EDNRB: variants seen among roughly 807,000 people sequenced by gnomAD.
EDNRB encodes the protein Hirschsprung disease 2.
EDNRB carries 18 observed loss-of-function variants against 46.4 expected under a neutral mutation model. That is an observed-to-expected ratio of 0.39 (90% CI 0.27 to 0.57). EDNRB has a LOEUF of 0.57. EDNRB is among the 20% of genes least tolerant of loss of function. The pLI, the probability that EDNRB is intolerant of heterozygous loss-of-function variation, is 0.61. For synonymous variants in EDNRB, 213 were observed against 204.9 expected (o/e 1.04, Z -0.34); for missense variants, 434 against 537.5 (o/e 0.81, Z 1.90).
intron 1 of EDNRB, among the ~76,000 whole-genome samples, chr13:77,968,909 A>C (rs1881651073): frequency 6.6e-6 from 1 of 152,202 alleles, no homozygotes; most frequent in East Asian, 1.9e-4. Flanking sequence ...GAAGTTGGAC[A>C]AATATTCAGG....
Position 77,918,030 on chromosome 13 carries a change from C to T in EDNRB, c.483+61G>A. 1 of 1,612,152 alleles carries T rather than the reference C, an allele frequency of 6.2e-7. No individual in the cohort carries two copies. The highest frequency in any genetic ancestry group is 8.5e-7 in the Non-Finnish European group (1 of 1,179,852). On this transcript the variant is annotated intron_variant, in intron 1 of 6. Transcript: ENST00000646607. This position sits in a 1 kb window ranked among gnomAD's most constrained non-coding sequence, Gnocchi z 4.5. ...GCTCCCTCTACAAGCTTTCTCATCTCCCCGTCTCCAACCAGGCCCCCTTCC... is the reference window on the plus strand; with the variant it reads ...GCTCCCTCTACAAGCTTTCTCATCTTCCCGTCTCCAACCAGGCCCCCTTCC...
At chr13:77,911,049 T>C (rs777625256) in intron 1 of EDNRB, among the ~76,000 whole-genome samples, 5 of 152,082 alleles carry the variant, frequency 3.3e-5, no homozygotes, top group African/African-American at 1.2e-4. Context: ...TTTTATTATC[T>C]AAATTTAAAA....
chr13:77,931,741 T>C (rs547874740), intron 1 of EDNRB, among the ~76,000 whole-genome samples: 80 of 70,722 alleles, frequency 1.1e-3, no homozygotes, highest in African/African-American at 4.7e-3. Context: ...AATACTGTAG[T>C]AGCAAAAAAA....
At chr13:77,948,521 CT>C (rs1880996605) in intron 1 of EDNRB, among the ~76,000 whole-genome samples, 1 of 152,120 alleles carries the variant, frequency 6.6e-6, no homozygotes, top group South Asian at 2.1e-4. Flanking sequence ...TACTAGTGGT[CT>C]TTAAGAGGCT....
chr13:77,944,217 A>G (rs12720146), intron 1 of EDNRB, among the ~76,000 whole-genome samples: 5,305 of 152,226 alleles, frequency 0.035, 160 homozygotes, highest in East Asian at 0.087. Flanking sequence ...GGCTCAGTGT[A>G]AGCAATAATG....
At chr13:77,973,867 C>T (rs1380117356) in intron 1 of EDNRB, among the ~76,000 whole-genome samples, 1 of 151,698 alleles carries the variant, frequency 6.6e-6, no homozygotes, top group Non-Finnish European at 1.5e-5. Flanking sequence ...AAACAACCAG[C>T]TAATTTATTT....
intron 1 of EDNRB, among the ~76,000 whole-genome samples, chr13:77,974,275 G>C (rs1881820380): frequency 1.3e-5 from 2 of 151,998 alleles, no homozygotes; most frequent in South Asian, 4.2e-4. Context: ...AACTAGTGAG[G>C]TGTGCTCACA....
At chr13:77,965,711 G>A (rs1340946316) in intron 1 of EDNRB, among the ~76,000 whole-genome samples, 1 of 152,090 alleles carries the variant, frequency 6.6e-6, no homozygotes, top group African/African-American at 2.4e-5. Flanking sequence ...GATTCCATGT[G>A]TTGAAAATAC....
At chr13:77,906,798 G>A (rs924554069) in intron 1 of EDNRB, among the ~76,000 whole-genome samples, 1 of 151,938 alleles carries the variant, frequency 6.6e-6, no homozygotes, top group Admixed American at 6.6e-5. Context: ...GACACAATGT[G>A]ATTTAAAAAA....
At chr13:77,958,519 C>T (rs897163100) in intron 1 of EDNRB, among the ~76,000 whole-genome samples, 1 of 151,998 alleles carries the variant, frequency 6.6e-6, no homozygotes, top group Non-Finnish European at 1.5e-5. Context: ...ACTATGGGCA[C>T]CCACCACCAC....
At chr13:77,948,061 T>C (rs1197928651) in intron 1 of EDNRB, among the ~76,000 whole-genome samples, 1 of 152,186 alleles carries the variant, frequency 6.6e-6, no homozygotes, top group Non-Finnish European at 1.5e-5. Flanking sequence ...CTTAATTAGA[T>C]TACTTAATGG....
chr13:77,915,016 A>G (rs1398209848), intron 1 of EDNRB, among the ~76,000 whole-genome samples: 1 of 152,136 alleles, frequency 6.6e-6, no homozygotes, highest in Non-Finnish European at 1.5e-5. Context: ...GAATTATAAA[A>G]CCCCACCAAA....
At chr13:77,957,225 T>A (rs1417943512) in intron 1 of EDNRB, among the ~76,000 whole-genome samples, 1 of 152,240 alleles carries the variant, frequency 6.6e-6, no homozygotes, top group Non-Finnish European at 1.5e-5. Flanking sequence ...AACTCCATTT[T>A]AAGTATTATC....
At chr13:77,931,744 C>CAAAAAAAAAAAAAAAAAAAAAAAAAA (rs67176737) in intron 1 of EDNRB, among the ~76,000 whole-genome samples, 2 of 83,442 alleles carry the variant, frequency 2.4e-5, no homozygotes, top group African/African-American at 4.7e-5. Context: ...ACTGTAGTAG[C>CAAAAAAAAAAAAAAAAAAAAAAAAAA]AAAAAAAAAA....
intron 1 of EDNRB, among the ~76,000 whole-genome samples, chr13:77,974,407 A>G (rs1006246344): frequency 2.6e-5 from 4 of 152,178 alleles, no homozygotes; most frequent in African/African-American, 9.7e-5. Context: ...GATTTTTGAT[A>G]GGAAGGCCTC....
intron 1 of EDNRB, among the ~76,000 whole-genome samples, chr13:77,965,361 T>G (rs908856072): frequency 5.3e-5 from 8 of 152,196 alleles, no homozygotes; most frequent in Non-Finnish European, 8.8e-5. Flanking sequence ...TTCATTTGAA[T>G]CAATTATTAC....
At position 77,903,380 on chromosome 13, in the gene EDNRB, T is replaced by C; in HGVS notation, c.597-20A>G. 2 of 1,612,818 alleles carry C rather than the reference T, an allele frequency of 1.2e-6. 1 individual carries two copies. Among genetic ancestry groups the C allele is most frequent in the South Asian group, 2.2e-5 (2 of 91,056 alleles). ...CGATATCTGAAGATAAAAATAGAAT[T>C]GTATTTTAAGCTGGCATACCTTAGT... On this transcript the variant is annotated intron_variant, in intron 2 of 6. Coordinates refer to ENST00000646607, the MANE Select transcript of EDNRB (RefSeq NM_001122659.3).
At chr13:77,909,988 A>G (rs1879493060) in intron 1 of EDNRB, among the ~76,000 whole-genome samples, 1 of 151,940 alleles carries the variant, frequency 6.6e-6, no homozygotes, top group Admixed American at 6.6e-5. Context: ...GGTAACGACA[A>G]AAATTCCTCT....
intron 1 of EDNRB, among the ~76,000 whole-genome samples, chr13:77,954,761 C>A (rs1032586973): frequency 2.0e-5 from 3 of 152,120 alleles, no homozygotes; most frequent in African/African-American, 7.2e-5. Context: ...CCTGCCTCGG[C>A]CTCCCAAAGT....
Sources: allele counts gnomAD v4.1 joint callset (sites outside exome capture counted in the v4.1 genomes callset), GRCh38; gene constraint gnomAD v4.1.1; non-coding constraint Gnocchi (gnomAD v3.1); transcripts MANE v1.5; gene names NCBI Gene and HGNC (gene_info 2026-07-23, HGNC 2026-07-21).